P2RY8: variants seen among roughly 807,000 people sequenced by gnomAD.
P2RY8 encodes the protein P2Y receptor family member 8, also known as S-geranylgeranyl-glutathione receptor P2RY8.
In P2RY8, 6 loss-of-function variants were observed where a neutral mutation model predicts 10.0. The ratio of observed to expected loss-of-function variants is 0.60; its 90% CI spans 0.33 to 1.19. The LOEUF is 1.19. Among genes scored for constraint, P2RY8 ranks in the 50% most tolerant of loss-of-function variants. The pLI is 0.04. For missense variants in P2RY8, 456 were observed against 542.0 expected (o/e 0.84, Z 1.58); for synonymous variants, 276 against 252.5 (o/e 1.09, Z -0.88).
Position 1,465,495 on chromosome X carries a change from T to C in P2RY8, c.1064A>G (p.Gln355Arg), listed in dbSNP as rs200805355. Residue 355 changes from glutamine (Q) to arginine (R), a missense_variant, in exon 2 of 2, where the codon CAG becomes CGG. Physicochemically the swap from Gln to Arg is conservative, Grantham distance 43. Transcript: ENST00000381297. ...CCCCGGGACTCAGAACACACTCTCC[T>C]GCCTCTGGAGGCCGGGCCTGGTGGC... ...EGATRPGLQR[Q>R]ESVF 5 of 1,607,800 alleles carry C rather than the reference T, an allele frequency of 3.1e-6. No homozygotes were observed. Among genetic ancestry groups the C allele is most frequent in the Non-Finnish European group, 4.2e-6 (5 of 1,177,262 alleles).
At chrX:1,535,752 A>AC (rs1569539081) in intron 1 of P2RY8, among the ~76,000 whole-genome samples, 10 of 138,370 alleles carry the variant, frequency 7.2e-5, no homozygotes, top group African/African-American at 2.7e-4. Flanking sequence ...CACACACACA[A>AC]ACCCTTTTCT....
At chrX:1,512,299 C>T (rs781064476) in intron 1 of P2RY8, among the ~76,000 whole-genome samples, 25 of 152,212 alleles carry the variant, frequency 1.6e-4, no homozygotes, top group African/African-American at 5.3e-4. Context: ...GTAATCCCAG[C>T]GCACTGGGAG....
intron 1 of P2RY8, among the ~76,000 whole-genome samples, chrX:1,482,293 GAAA>G (rs770409627): frequency 7.7e-6 from 1 of 129,800 alleles, no homozygotes. Context: ...GCCATTTGGT[GAAA>G]AAAAAAAAAA....
At chrX:1,509,031 C>CATCT (rs1382752186) in intron 1 of P2RY8, among the ~76,000 whole-genome samples, 7 of 151,898 alleles carry the variant, frequency 4.6e-5, no homozygotes, top group Non-Finnish European at 8.8e-5. Context: ...TCCATCCATC[C>CATCT]ATCCATCCAT....
At chrX:1,490,634 G>GATTC (rs1200715055) in intron 1 of P2RY8, among the ~76,000 whole-genome samples, 2 of 117,100 alleles carry the variant, frequency 1.7e-5, no homozygotes, top group Non-Finnish European at 1.8e-5. Flanking sequence ...GACATCCAGG[G>GATTC]ATTCTCCACA....
At chrX:1,522,688 T>C (rs2092401555) in intron 1 of P2RY8, among the ~76,000 whole-genome samples, 1 of 151,902 alleles carries the variant, frequency 6.6e-6, no homozygotes, top group African/African-American at 2.4e-5. Context: ...GAAGGATTGC[T>C]TGAGGCCAGG....
chrX:1,503,227 A>G (rs1247908999), intron 1 of P2RY8, among the ~76,000 whole-genome samples: 2 of 152,194 alleles, frequency 1.3e-5, no homozygotes, highest in Non-Finnish European at 2.9e-5. Flanking sequence ...ACCCTCCCCT[A>G]GAGCTCCTTG....
intron 1 of P2RY8, among the ~76,000 whole-genome samples, chrX:1,520,347 A>G (rs1324685692): frequency 6.6e-6 from 1 of 150,382 alleles, no homozygotes; most frequent in African/African-American, 2.5e-5. Flanking sequence ...CTTAACCCCA[A>G]TAATGTCCCT....
chrX:1,481,584 G>C (rs2091936079), intron 1 of P2RY8, among the ~76,000 whole-genome samples: 1 of 151,770 alleles, frequency 6.6e-6, no homozygotes, highest in African/African-American at 2.4e-5. Context: ...TTTGGGATTA[G>C]GAGAGTCCAG....
At chrX:1,534,185 TATATATATTTAC>T (rs2092507278) in intron 1 of P2RY8, among the ~76,000 whole-genome samples, 1 of 139,840 alleles carries the variant, frequency 7.2e-6, no homozygotes, top group African/African-American at 2.6e-5. Flanking sequence ...ATTATATATT[TATATATATTTAC>T]ATATATATTT....
At chrX:1,488,630 C>T (rs2092009019) in intron 1 of P2RY8, among the ~76,000 whole-genome samples, 1 of 152,106 alleles carries the variant, frequency 6.6e-6, no homozygotes, top group African/African-American at 2.4e-5. Flanking sequence ...CTCCTGCCTC[C>T]ATGAAGACCC....
rs191610016 is a variant in P2RY8, at chrX:1,470,021, C to A, written c.-24-3439G>T. 3.3e-5 allele frequency among the ~76,000 whole-genome samples: 5 copies of A among 152,242 alleles called. No homozygotes were observed. In the East Asian group the frequency reaches 9.7e-4, roughly 29 times the overall value. ...TTTAATATATTCACAGATGTGCAAA[C>A]AACACCATAATGCAATTCCAGAACC... On this transcript the variant is annotated intron_variant, in intron 1 of 1. Coordinates refer to ENST00000381297, the MANE Select transcript of P2RY8 (RefSeq NM_178129.5).
chrX:1,535,570 C>G (rs749675754), intron 1 of P2RY8, among the ~76,000 whole-genome samples: 3 of 151,892 alleles, frequency 2.0e-5, no homozygotes, highest in African/African-American at 7.2e-5. Flanking sequence ...AGAGATTGAA[C>G]GGCGCAGTCA....
intron 1 of P2RY8, among the ~76,000 whole-genome samples, chrX:1,484,907 A>G (rs1170221033): frequency 2.0e-5 from 3 of 151,146 alleles, no homozygotes; most frequent in African/African-American, 7.3e-5. Context: ...TTCTCCTCCT[A>G]GGTAAAAGCT....
chrX:1,530,329 T>A (rs1310017954), intron 1 of P2RY8, among the ~76,000 whole-genome samples: 1 of 149,878 alleles, frequency 6.7e-6, no homozygotes, highest in Non-Finnish European at 1.5e-5. Flanking sequence ...TCTATATGTA[T>A]GTACATATCT....
At chrX:1,509,404 C>CTATA (rs2092274500) in intron 1 of P2RY8, among the ~76,000 whole-genome samples, 1 of 137,084 alleles carries the variant, frequency 7.3e-6, no homozygotes, top group Non-Finnish European at 1.6e-5. Flanking sequence ...ATCTATCTAT[C>CTATA]TATCTATCTA....
At chrX:1,466,975 G>A (rs1290602868) in intron 1 of P2RY8, among the ~76,000 whole-genome samples, 2 of 94,592 alleles carry the variant, frequency 2.1e-5, no homozygotes, top group East Asian at 4.0e-4. Flanking sequence ...ACTCTTAGAT[G>A]ATCCACAGTG....
intron 1 of P2RY8, among the ~76,000 whole-genome samples, chrX:1,469,359 G>C (rs1484591808): frequency 6.6e-6 from 1 of 151,390 alleles, no homozygotes; most frequent in Non-Finnish European, 1.5e-5. Flanking sequence ...CCCAAAAAGA[G>C]TTTCACCATG....
chrX:1,502,447 C>T (rs1172413092), intron 1 of P2RY8, among the ~76,000 whole-genome samples: 5 of 152,134 alleles, frequency 3.3e-5, no homozygotes, highest in African/African-American at 1.2e-4. Flanking sequence ...GTTCCTCTTT[C>T]TACTGACTCT....
Sources: gnomAD v4.1 joint callset for allele counts (sites outside exome capture counted in the v4.1 genomes callset) on GRCh38, gnomAD v4.1.1 for gene constraint, MANE v1.5 for transcripts, NCBI Gene and HGNC (gene_info 2026-07-23, HGNC 2026-07-21) for gene names.